The following KCNJ15 variants were observed in gnomAD, a reference collection of about 807,000 sequenced individuals.
KCNJ15 encodes the protein potassium inwardly rectifying channel subfamily J member 15.
KCNJ15 carries 14 observed loss-of-function variants against 23.0 expected under a neutral mutation model. That is an observed-to-expected ratio of 0.61 (90% CI 0.40 to 0.95). The LOEUF is 0.95. Ranked by LOEUF, KCNJ15 falls within the 40% of genes least tolerant of loss-of-function variation. KCNJ15 has a pLI of 0.00. For synonymous variants in KCNJ15, 185 were observed against 183.2 expected, an observed-to-expected ratio of 1.01 and a Z score of -0.08; for missense variants, 388 against 461.8, an observed-to-expected ratio of 0.84 and a Z score of 1.46.
rs1985673124 is a variant in KCNJ15, at chr21:38,300,398, G to A, written c.*9G>A. The A allele has an allele frequency of 6.3e-7, 1 of 1,588,072 alleles. No individual in the cohort carries two copies. Among genetic ancestry groups the A allele is most frequent in the Non-Finnish European group, 8.6e-7 (1 of 1,165,182 alleles). On this transcript the variant is annotated 3_prime_UTR_variant, in exon 3 of 3. Coordinates refer to ENST00000398938, the MANE Select transcript of KCNJ15 (RefSeq NM_170736.3). ...AACAGAGCAATGTCTGATCACAGGG[G>A]CGCCATCCAGGTTTAACCCTGCAAG...
At chr21:38,280,677 A>T (rs985559467) in intron 1 of KCNJ15, among the ~76,000 whole-genome samples, 1 of 152,112 alleles carries the variant, frequency 6.6e-6, no homozygotes, top group Non-Finnish European at 1.5e-5. Flanking sequence ...CTACAGGATC[A>T]TTTTGTAATA....
chr21:38,288,196 A>G (rs1236229669), intron 1 of KCNJ15, among the ~76,000 whole-genome samples: 2 of 150,536 alleles, frequency 1.3e-5, no homozygotes, highest in African/African-American at 4.9e-5. Flanking sequence ...ACCTGCCACC[A>G]CGCCCGGCTA....
chr21:38,271,454 T>C (rs930409152), intron 1 of KCNJ15, among the ~76,000 whole-genome samples: 3 of 152,170 alleles, frequency 2.0e-5, no homozygotes, highest in South Asian at 4.1e-4. Context: ...ATTAAACTGG[T>C]TTATCGTTTG....
At chr21:38,230,429 G>A (rs1988700704) in intron 1 of KCNJ15, among the ~76,000 whole-genome samples, 1 of 151,974 alleles carries the variant, frequency 6.6e-6, no homozygotes, top group African/African-American at 2.4e-5. Flanking sequence ...CTGGATATGA[G>A]CCCATTATCA....
chr21:38,297,519 C>T (rs1173581559), intron 2 of KCNJ15, among the ~76,000 whole-genome samples: 2 of 152,238 alleles, frequency 1.3e-5, no homozygotes, highest in East Asian at 3.8e-4. Flanking sequence ...CATGCAGTCA[C>T]TTGCAGACAG....
At chr21:38,249,945 C>G (rs558257570) in intron 1 of KCNJ15, among the ~76,000 whole-genome samples, 1 of 152,070 alleles carries the variant, frequency 6.6e-6, no homozygotes, top group Non-Finnish European at 1.5e-5. Context: ...TGAATTAGCC[C>G]CTGTGCATTG....
chr21:38,284,124 A>T (rs2123687300), intron 1 of KCNJ15, among the ~76,000 whole-genome samples: 1 of 152,312 alleles, frequency 6.6e-6, no homozygotes, highest in East Asian at 1.9e-4. Flanking sequence ...AGGTGTCTCC[A>T]GGCAGCCTCC....
chr21:38,244,511 G>A (rs962418799), intron 1 of KCNJ15, among the ~76,000 whole-genome samples: 5 of 152,158 alleles, frequency 3.3e-5, no homozygotes, highest in African/African-American at 1.2e-4. Flanking sequence ...TCCTGGGAGT[G>A]CTTTCTATTT....
chr21:38,263,191 G>T (rs1221349688), intron 1 of KCNJ15, among the ~76,000 whole-genome samples: 4 of 152,098 alleles, frequency 2.6e-5, no homozygotes, highest in African/African-American at 9.7e-5. Context: ...TCCATTGCCA[G>T]CAGGACACAC....
intron 1 of KCNJ15, among the ~76,000 whole-genome samples, chr21:38,231,705 C>T (rs1988749604): frequency 6.6e-6 from 1 of 151,604 alleles, no homozygotes; most frequent in Non-Finnish European, 1.5e-5. Flanking sequence ...GCTTTTTATG[C>T]TCTATTGAAA....
chr21:38,266,133 T>C (rs943913486), intron 1 of KCNJ15, among the ~76,000 whole-genome samples: 1 of 152,044 alleles, frequency 6.6e-6, no homozygotes, highest in Non-Finnish European at 1.5e-5. Flanking sequence ...GTATTTCTTT[T>C]TGTTTGTTTG....
intron 2 of KCNJ15, among the ~76,000 whole-genome samples, chr21:38,297,794 AC>A (rs1181315968): frequency 6.6e-6 from 1 of 152,220 alleles, no homozygotes; most frequent in African/African-American, 2.4e-5. Context: ...AAAAATGAAA[AC>A]GTGACTTTCT....
At chr21:38,292,673 C>G (rs1158279864) in intron 1 of KCNJ15, among the ~76,000 whole-genome samples, 1 of 152,092 alleles carries the variant, frequency 6.6e-6, no homozygotes, top group Non-Finnish European at 1.5e-5. Context: ...TACATTAAGA[C>G]TATTTCACAA....
At chr21:38,254,838 G>GA (rs1310676452), upstream of KCNJ15, among the ~76,000 whole-genome samples, 4 of 151,686 alleles carry the variant, frequency 2.6e-5, no homozygotes, top group East Asian at 1.9e-4. Flanking sequence ...TTTACAAATT[G>GA]AAAAAAAGGT....
chr21:38,298,942 G>T (rs1478882467), intron 2 of KCNJ15, among the ~76,000 whole-genome samples: 2 of 148,264 alleles, frequency 1.3e-5, no homozygotes, highest in Non-Finnish European at 2.9e-5. Context: ...CTGAGGAATA[G>T]GTTGTATTGC....
chr21:38,240,968 A>T (rs2836235), intron 1 of KCNJ15, among the ~76,000 whole-genome samples: 70,304 of 152,092 alleles, frequency 0.46, 17,062 homozygotes, highest in East Asian at 0.86. Context: ...ATTGCTCTTG[A>T]AGTTAATAAA....
At chr21:38,240,218 G>T (rs987046134) in intron 1 of KCNJ15, among the ~76,000 whole-genome samples, 1 of 152,026 alleles carries the variant, frequency 6.6e-6, no homozygotes, top group African/African-American at 2.4e-5. Context: ...ATTGCAGGTG[G>T]CTAACCCCAT....
chr21:38,278,343 G>T (rs138271203), intron 1 of KCNJ15, among the ~76,000 whole-genome samples: 1 of 152,122 alleles, frequency 6.6e-6, no homozygotes, highest in Non-Finnish European at 1.5e-5. Flanking sequence ...AAACATTGTC[G>T]CCACTACTAG....
chr21:38,296,229 G>T (rs988783822), intron 1 of KCNJ15, among the ~76,000 whole-genome samples: 8 of 149,658 alleles, frequency 5.3e-5, no homozygotes, highest in Non-Finnish European at 2.9e-5. Flanking sequence ...ATTGATTGGT[G>T]ATATATAATA....
Sources: gnomAD v4.1 joint callset for allele counts (sites outside exome capture counted in the v4.1 genomes callset) on GRCh38, gnomAD v4.1.1 for gene constraint, MANE v1.5 for transcripts, NCBI Gene and HGNC (gene_info 2026-07-23, HGNC 2026-07-21) for gene names.